GRID2: variants seen among roughly 807,000 people sequenced by gnomAD.
The protein encoded by GRID2 is glutamate ionotropic receptor delta type subunit 2, also known as glutamate receptor ionotropic, delta-2.
Under a neutral mutation model 114.8 loss-of-function variants are expected in GRID2, and 33 were observed. The ratio of observed to expected loss-of-function variants is 0.29; its 90% CI spans 0.22 to 0.38. The LOEUF is 0.38. GRID2 is among the 10% of genes least tolerant of loss of function. The pLI, the probability that GRID2 is intolerant of heterozygous loss-of-function variation, is 1.00. For missense variants in GRID2, 1,184 were observed against 1,257.7 expected, an observed-to-expected ratio of 0.94 and a Z score of 0.89; for synonymous variants, 505 against 449.9, an observed-to-expected ratio of 1.12 and a Z score of -1.55.
At chr4:92,481,403 T>A (rs1722582371) in intron 1 of GRID2, among the ~76,000 whole-genome samples, 1 of 152,152 alleles carries the variant, frequency 6.6e-6, no homozygotes, top group African/African-American at 2.4e-5. Flanking sequence ...TCACAGACAC[T>A]ATTTAAATGA....
At chr4:92,700,169 A>T (rs1734600459) in intron 2 of GRID2, among the ~76,000 whole-genome samples, 1 of 152,186 alleles carries the variant, frequency 6.6e-6, no homozygotes, top group South Asian at 2.1e-4. Flanking sequence ...CTCAACAGAC[A>T]AGTCTTGGGA....
At chr4:92,923,261 A>G (rs975840188) in intron 2 of GRID2, among the ~76,000 whole-genome samples, 1 of 152,174 alleles carries the variant, frequency 6.6e-6, no homozygotes, top group African/African-American at 2.4e-5. Context: ...GTTTTTTATC[A>G]TTTTTGTTAG....
At chr4:92,586,937 C>T (rs908391060) in intron 1 of GRID2, among the ~76,000 whole-genome samples, 1 of 151,768 alleles carries the variant, frequency 6.6e-6, no homozygotes, top group Non-Finnish European at 1.5e-5. Context: ...CTTTATTTCT[C>T]CCCCCATAAA....
intron 1 of GRID2, among the ~76,000 whole-genome samples, chr4:92,417,449 G>A (rs1731668359): frequency 6.6e-6 from 1 of 152,026 alleles, no homozygotes; most frequent in African/African-American, 2.4e-5. Flanking sequence ...TAGCTCATAA[G>A]GCTCATAAGG....
chr4:93,704,902 T>G (rs1273228581), intron 14 of GRID2, among the ~76,000 whole-genome samples: 1 of 152,242 alleles, frequency 6.6e-6, no homozygotes, highest in African/African-American at 2.4e-5. Flanking sequence ...TGGCTAGTGC[T>G]GCAATATACA....
At chr4:93,780,097 G>T (rs1397431159) in intron 1 of GRID2, among the ~76,000 whole-genome samples, 2 of 152,202 alleles carry the variant, frequency 1.3e-5, no homozygotes, top group South Asian at 4.1e-4. Flanking sequence ...TGAAGGATTA[G>T]TCTATTGGGA....
At chr4:93,592,541 G>A (rs952921918) in intron 13 of GRID2, among the ~76,000 whole-genome samples, 1 of 152,102 alleles carries the variant, frequency 6.6e-6, no homozygotes, top group Non-Finnish European at 1.5e-5. Flanking sequence ...CTGTTGATTT[G>A]GGGTGGAGAG....
At chr4:93,481,399 C>T (rs1580204405) in intron 11 of GRID2, among the ~76,000 whole-genome samples, 1 of 152,076 alleles carries the variant, frequency 6.6e-6, no homozygotes, top group East Asian at 1.9e-4. Context: ...AGCTGTGCTA[C>T]AGTCAAGCCT....
intron 3 of GRID2, among the ~76,000 whole-genome samples, chr4:93,095,118 C>A (rs2149333513): frequency 6.6e-6 from 1 of 151,834 alleles, no homozygotes; most frequent in Non-Finnish European, 1.5e-5. Context: ...CTAGCAAGAC[C>A]ATTTTTAATT....
chr4:92,578,993 T>C (rs1305172901), intron 1 of GRID2, among the ~76,000 whole-genome samples: 1 of 152,148 alleles, frequency 6.6e-6, no homozygotes, highest in East Asian at 1.9e-4. Context: ...GAAGGAAACT[T>C]GTTTCTTTTT....
chr4:93,277,454 A>G (rs1180777155), intron 8 of GRID2, among the ~76,000 whole-genome samples: 1 of 151,912 alleles, frequency 6.6e-6, no homozygotes, highest in Non-Finnish European at 1.5e-5. Context: ...TTTGGGCTTT[A>G]AGACTTTCCA....
chr4:92,726,147 G>T (rs1736059696), intron 2 of GRID2, among the ~76,000 whole-genome samples: 1 of 152,026 alleles, frequency 6.6e-6, no homozygotes, highest in East Asian at 1.9e-4. Flanking sequence ...ACTAAGAAAT[G>T]GAATAAATAT....
At chr4:92,622,260 T>C (rs1730311370) in intron 2 of GRID2, among the ~76,000 whole-genome samples, 1 of 151,772 alleles carries the variant, frequency 6.6e-6, no homozygotes, top group Admixed American at 6.6e-5. Flanking sequence ...GGAATGCCAA[T>C]ACTAAAAAGG....
intron 2 of GRID2, among the ~76,000 whole-genome samples, chr4:92,622,693 G>T (rs925711385): frequency 6.6e-6 from 1 of 151,680 alleles, no homozygotes; most frequent in African/African-American, 2.4e-5. Flanking sequence ...ATCAGTCATC[G>T]TCATCATCTT....
chr4:93,403,580 C>T (rs1012102248), intron 9 of GRID2, among the ~76,000 whole-genome samples: 1 of 151,822 alleles, frequency 6.6e-6, no homozygotes, highest in East Asian at 1.9e-4. Flanking sequence ...AACAGTTCTG[C>T]AATGAAGATA....
intron 14 of GRID2, among the ~76,000 whole-genome samples, chr4:93,650,918 A>T (rs1722530449): frequency 8.3e-5 from 1 of 12,050 alleles, no homozygotes; most frequent in Non-Finnish European, 1.5e-4. Flanking sequence ...GCAAAAAAAA[A>T]TTCATTCTGA....
intron 8 of GRID2, among the ~76,000 whole-genome samples, chr4:93,258,131 C>A (rs1376414212): frequency 6.6e-6 from 1 of 151,066 alleles, no homozygotes; most frequent in African/African-American, 2.4e-5. Flanking sequence ...AAATTTTATT[C>A]TCATGGAAGC....
intron 1 of GRID2, among the ~76,000 whole-genome samples, chr4:92,576,651 C>T (rs544025472): frequency 2.6e-5 from 4 of 152,138 alleles, no homozygotes; most frequent in Non-Finnish European, 5.9e-5. Context: ...GAGACTTTGC[C>T]CAGCTTAGTG....
At chr4:93,527,505 C>T (rs896686023) in intron 13 of GRID2, among the ~76,000 whole-genome samples, 1 of 152,084 alleles carries the variant, frequency 6.6e-6, no homozygotes, top group Non-Finnish European at 1.5e-5. Context: ...TTATACCTAA[C>T]ATTAAATACT....
Sources: gnomAD v4.1 joint callset for allele counts (sites outside exome capture counted in the v4.1 genomes callset) on GRCh38, gnomAD v4.1.1 for gene constraint, MANE v1.5 for transcripts, NCBI Gene and HGNC (gene_info 2026-07-23, HGNC 2026-07-21) for gene names.